The following SPAG16 variants were observed in gnomAD, a reference collection of about 807,000 sequenced individuals.
SPAG16 encodes sperm-associated antigen 16 protein.
In SPAG16, 86 loss-of-function variants were observed where a neutral mutation model predicts 80.4. That is an observed-to-expected ratio of 1.07 (90% CI 0.90 to 1.28). The LOEUF is 1.28. SPAG16 is among the 50% of genes most tolerant of loss of function. The probability of loss-of-function intolerance (pLI) is 0.00; values close to 1 mark genes in which losing one functional copy is unlikely to be tolerated. For missense variants in SPAG16, 870 were observed against 765.3 expected, an observed-to-expected ratio of 1.14 and a Z score of -1.61; for synonymous variants, 294 against 265.9, an observed-to-expected ratio of 1.11 and a Z score of -1.03.
At position 213,929,870 on chromosome 2, in the gene SPAG16, C is replaced by G. The variant is rs892840411; in HGVS notation, c.1215-90C>G. On this transcript the variant is annotated intron_variant, in intron 11 of 15. Coordinates refer to ENST00000331683, the MANE Select transcript of SPAG16 (RefSeq NM_024532.5). ...CAAGTAAAAATAAATCAGATACATA[C>G]ACATACACACAAATTACTCATAGAA... The G allele has an allele frequency of 7.2e-6, 8 of 1,109,334 alleles. No homozygotes were observed. In the African/African-American group the frequency reaches 9.4e-5, roughly 13 times the overall value. The allele number at this position is 1,109,334 out of a possible 1,614,324, so 68.7% of individuals were successfully genotyped here. A position where few individuals can be genotyped will look rare whatever the true frequency, so the allele number is the denominator to read the frequency against.
At chr2:213,800,591 C>A (rs951165725) in intron 10 of SPAG16, among the ~76,000 whole-genome samples, 1 of 152,082 alleles carries the variant, frequency 6.6e-6, no homozygotes, top group African/African-American at 2.4e-5. Flanking sequence ...CCGAGGCTGG[C>A]ATTTATTCTT....
intron 10 of SPAG16, among the ~76,000 whole-genome samples, chr2:213,830,374 AG>A (rs1193174255): frequency 6.6e-6 from 1 of 152,172 alleles, no homozygotes; most frequent in African/African-American, 2.4e-5. Flanking sequence ...GGTGAGGGGT[AG>A]TGTTGGCAAA....
chr2:214,215,028 A>G (rs2058392101), intron 15 of SPAG16, among the ~76,000 whole-genome samples: 1 of 152,072 alleles, frequency 6.6e-6, no homozygotes, highest in Non-Finnish European at 1.5e-5. Flanking sequence ...AAGGTACTTC[A>G]TAAATGTTAG....
chr2:214,217,018 C>T lies in SPAG16; in HGVS notation c.1720+67752C>T, dbSNP rs181564107. ...TTTTTTATAGATTAACAAATACAAA[C>T]TTCATCAGACATTAAAATCCATTAT... On this transcript the variant is annotated intron_variant, in intron 15 of 15. Coordinates refer to ENST00000331683, the MANE Select transcript of SPAG16 (RefSeq NM_024532.5). Among the ~76,000 whole-genome samples the T allele has an allele frequency of 2.9e-3, 435 of 152,176 alleles. 1 individual carries two copies. Among genetic ancestry groups the T allele is most frequent in the African/African-American group, 9.6e-3 (397 of 41,514 alleles).
intron 10 of SPAG16, among the ~76,000 whole-genome samples, chr2:213,854,774 T>C (rs970485078): frequency 8.5e-5 from 13 of 152,262 alleles, no homozygotes; most frequent in African/African-American, 2.4e-4. Flanking sequence ...CAAACTCACA[T>C]CTTACTTCAG....
chr2:214,295,118 T>C (rs541834671), intron 15 of SPAG16, among the ~76,000 whole-genome samples: 1 of 152,294 alleles, frequency 6.6e-6, no homozygotes, highest in African/African-American at 2.4e-5. Flanking sequence ...ATCAAGAGGT[T>C]AGTGCTCAGG....
In SPAG16 at chr2:213,899,934, T is replaced by C. The variant is rs73986985; in HGVS notation, c.1215-30026T>C. ...GTTTGTGAAAAACAATTCTCTTCAC[T>C]ATCCTTGTCTTGATGCAGCTTTGTA... is the stretch of plus-strand genomic sequence containing the variant. On this transcript the variant is annotated intron_variant, in intron 11 of 15. Coordinates refer to ENST00000331683, the MANE Select transcript of SPAG16 (RefSeq NM_024532.5). Among the ~76,000 whole-genome samples, 664 of 152,300 alleles carry C rather than the reference T, an allele frequency of 4.4e-3. 4 individuals carry two copies. Among genetic ancestry groups the C allele is most frequent in the African/African-American group, 0.015 (631 of 41,584 alleles).
intron 15 of SPAG16, among the ~76,000 whole-genome samples, chr2:214,319,200 C>CCACACACCCACACACACACACACACACA: frequency 7.0e-6 from 1 of 142,340 alleles, no homozygotes; most frequent in East Asian, 2.1e-4. Flanking sequence ...CACACACACA[C>CCACACACCCACACACACACACACACACA]CACACACACA....
intron 15 of SPAG16, among the ~76,000 whole-genome samples, chr2:214,385,137 G>A (rs1700674527): frequency 6.6e-6 from 1 of 152,250 alleles, no homozygotes; most frequent in African/African-American, 2.4e-5. Flanking sequence ...CAGACAAGCA[G>A]CATAGCTAGT....
intron 11 of SPAG16, among the ~76,000 whole-genome samples, chr2:213,915,403 G>A (rs1162600609): frequency 6.6e-6 from 1 of 151,870 alleles, no homozygotes; most frequent in Non-Finnish European, 1.5e-5. Flanking sequence ...TCCTGTTTTA[G>A]TGTGCTGAGA....
Position 213,592,588 on chromosome 2 carries a change from A to G in SPAG16, c.1070+102498A>G, listed in dbSNP as rs145966630. Reference sequence around the variant, plus strand: ...CGCAATCTTAACAATCTAGTAATAGACTAGATGACTCCTTAGTCCCTTTTA... The same window carrying G: ...CGCAATCTTAACAATCTAGTAATAGGCTAGATGACTCCTTAGTCCCTTTTA... On this transcript the variant is annotated intron_variant, in intron 10 of 15. Transcript: ENST00000331683. Among the ~76,000 whole-genome samples, 456 of 152,320 alleles carry G rather than the reference A, an allele frequency of 3.0e-3. 1 individual carries two copies. Among genetic ancestry groups the G allele is most frequent in the African/African-American group, 0.01 (429 of 41,572 alleles).
intron 13 of SPAG16, among the ~76,000 whole-genome samples, chr2:214,099,254 G>C (rs1374350320): frequency 6.6e-6 from 1 of 151,902 alleles, no homozygotes; most frequent in Non-Finnish European, 1.5e-5. Context: ...AAAATTAATA[G>C]GTATAACAAG....
chr2:214,190,140 A>G (rs1009985284), intron 15 of SPAG16, among the ~76,000 whole-genome samples: 1 of 152,060 alleles, frequency 6.6e-6, no homozygotes. Context: ...ACACAGTCAT[A>G]CTACAATGTT....
chr2:213,657,863 T>C (rs923345663), intron 10 of SPAG16, among the ~76,000 whole-genome samples: 9 of 152,198 alleles, frequency 5.9e-5, no homozygotes. Context: ...AGTAGAGGTT[T>C]TCATTTTCCA....
intron 10 of SPAG16, among the ~76,000 whole-genome samples, chr2:213,680,170 T>G (rs1352817623): frequency 1.3e-5 from 2 of 152,160 alleles, no homozygotes; most frequent in Non-Finnish European, 2.9e-5. Context: ...AGGATGTGGT[T>G]GGCTTATTTG....
intron 13 of SPAG16, among the ~76,000 whole-genome samples, chr2:214,075,262 A>G (rs2051015660): frequency 6.6e-6 from 1 of 151,926 alleles, no homozygotes; most frequent in Non-Finnish European, 1.5e-5. Context: ...GTAATAATAC[A>G]TTTTGTGGCC....
chr2:213,863,139 T>A (rs539707096), intron 11 of SPAG16, among the ~76,000 whole-genome samples: 1 of 149,342 alleles, frequency 6.7e-6, no homozygotes, highest in Non-Finnish European at 1.5e-5. Context: ...TAAATTCATT[T>A]GTACCTAAAA....
intron 12 of SPAG16, among the ~76,000 whole-genome samples, chr2:213,951,467 T>G (rs1184918595): frequency 6.6e-6 from 1 of 152,154 alleles, no homozygotes; most frequent in African/African-American, 2.4e-5. Context: ...TAGCAGAGCC[T>G]GCCATGATTT....
intron 15 of SPAG16, among the ~76,000 whole-genome samples, chr2:214,201,548 C>T (rs2058010439): frequency 6.6e-6 from 1 of 152,056 alleles, no homozygotes. Flanking sequence ...GTTAAAAGTT[C>T]CTACAAAGAA....
Sources: allele counts gnomAD v4.1 joint callset (sites outside exome capture counted in the v4.1 genomes callset), GRCh38; gene constraint gnomAD v4.1.1; transcripts MANE v1.5; gene names NCBI Gene and HGNC (gene_info 2026-07-23, HGNC 2026-07-21).